Variants in SUCO observed in about 807,000 individuals in gnomAD.
SUCO encodes the protein SUN domain containing ossification factor, also known as SUN domain-containing ossification factor.
Under a neutral mutation model 148.1 loss-of-function variants are expected in SUCO, and 57 were observed. That is an observed-to-expected ratio of 0.38 (90% CI 0.31 to 0.48). The LOEUF (loss-of-function observed/expected upper bound fraction) is 0.48, where lower values mean the gene tolerates loss of function less well. Among genes scored for constraint, SUCO ranks in the 20% least tolerant of loss-of-function variants. The probability of loss-of-function intolerance (pLI) is 0.96; values close to 1 mark genes in which losing one functional copy is unlikely to be tolerated. For synonymous variants in SUCO, 470 were observed against 502.7 expected, an observed-to-expected ratio of 0.93 and a Z score of 0.87; for missense variants, 1,331 against 1,468.2, an observed-to-expected ratio of 0.91 and a Z score of 1.53.
At chr1:172,607,627 A>T (rs767478744) in intron 22 of SUCO, among the ~76,000 whole-genome samples, 1 of 151,672 alleles carries the variant, frequency 6.6e-6, no homozygotes, top group African/African-American at 2.4e-5. Context: ...TAGCCTAGGG[A>T]TTACTTTCTT....
At chr1:172,592,760 G>C (rs534710268) in intron 19 of SUCO, among the ~76,000 whole-genome samples, 14 of 152,268 alleles carry the variant, frequency 9.2e-5, no homozygotes, top group Non-Finnish European at 1.5e-4. Context: ...GGCAATGTGG[G>C]CTCTTTTTTG....
chr1:172,581,126 A>G (rs1360707805), intron 15 of SUCO, among the ~76,000 whole-genome samples: 1 of 152,116 alleles, frequency 6.6e-6, no homozygotes, highest in Non-Finnish European at 1.5e-5. Context: ...AAAACAAAAC[A>G]AAAACCTAAT....
intron 3 of SUCO, among the ~76,000 whole-genome samples, chr1:172,554,321 T>G (rs1006501986): frequency 2.0e-5 from 3 of 152,212 alleles, no homozygotes; most frequent in African/African-American, 4.8e-5. Context: ...TATGATGTAG[T>G]TGTGCTCAAA....
intron 2 of SUCO, chr1:172,551,855 A>T: frequency 2.6e-6 from 1 of 379,136 alleles, no homozygotes; most frequent in Non-Finnish European, 4.8e-6. Flanking sequence ...TTAGTCCTGT[A>T]GTATAGGGTA....
intron 1 of SUCO, 24 bp from the exon 2 acceptor site, chr1:172,551,488 T>TTGG (rs1653294152): frequency 6.5e-6 from 9 of 1,390,226 alleles, no homozygotes; most frequent in Non-Finnish European, 9.0e-6. Context: ...TTTCTGTTTG[T>TTGG]TGGTGGTGGT....
chr1:172,588,986 T>G lies in SUCO; in HGVS notation c.1885T>G (p.Phe629Val), dbSNP rs1208292210. 1 of 1,610,948 alleles carries G rather than the reference T, an allele frequency of 6.2e-7. No homozygotes were observed. Among genetic ancestry groups the G allele is most frequent in the Non-Finnish European group, 8.5e-7 (1 of 1,178,420 alleles). The change falls in exon 18 of 24, where the codon TTT (phenylalanine) becomes GTT (valine). Residue 629 changes from phenylalanine (F) to valine (V), a missense_variant. Coordinates refer to ENST00000263688, the MANE Select transcript of SUCO (RefSeq NM_014283.5). ...ELTTICCISS[F>V]SEYIYKWCSV... ...GACCACAATTTGTTGTATTTCTAGT[T>G]TTTCAGAATACATATATAAATGGTG...
chr1:172,553,210 G>GT, intron 2 of SUCO, 50 bp from the exon 3 acceptor site: 2 of 1,476,350 alleles, frequency 1.4e-6, no homozygotes, highest in Non-Finnish European at 1.8e-6. Flanking sequence ...CTTTATAACT[G>GT]TTTTGTAAAA....
chr1:172,548,577 G>T (rs544255188), intron 1 of SUCO, among the ~76,000 whole-genome samples: 50 of 152,082 alleles, frequency 3.3e-4, no homozygotes, highest in African/African-American at 1.1e-3. Context: ...ATTGTGATTG[G>T]TAGTCTTCTG....
intron 1 of SUCO, chr1:172,542,889 A>C: frequency 1.0e-6 from 1 of 985,446 alleles, no homozygotes; most frequent in Non-Finnish European, 1.2e-6. Flanking sequence ...GTCTTAGATA[A>C]GTTTGGAGAG....
intron 20 of SUCO, among the ~76,000 whole-genome samples, chr1:172,601,021 G>A (rs1044078634): frequency 2.0e-5 from 3 of 152,136 alleles, no homozygotes; most frequent in East Asian, 1.9e-4. Flanking sequence ...GTAGGACTTC[G>A]TAGACAATTT....
chr1:172,596,163 C>T (rs998928158), intron 19 of SUCO, among the ~76,000 whole-genome samples: 3 of 152,206 alleles, frequency 2.0e-5, no homozygotes, highest in South Asian at 4.1e-4. Context: ...GCTGTTTATT[C>T]TAGTTAGCCA....
chr1:172,609,726 G>A (rs1307415194), intron 23 of SUCO, 90 bp from the exon 24 acceptor site: 1 of 1,509,504 alleles, frequency 6.6e-7, no homozygotes, highest in East Asian at 2.3e-5. Context: ...ACCAGGAGGT[G>A]GCACTTCTCT....
intron 1 of SUCO, 47 bp from the exon 2 acceptor site, chr1:172,551,465 T>G (rs1653290709): frequency 1.6e-6 from 2 of 1,257,858 alleles, no homozygotes; most frequent in Non-Finnish European, 2.2e-6. Context: ...TCTTCTTTCT[T>G]TCTCTTTCTC....
At chr1:172,588,491 G>A in intron 17 of SUCO, 1 of 985,194 alleles carries the variant, frequency 1.0e-6, no homozygotes, top group African/African-American at 1.7e-5. Flanking sequence ...TTCTTAAACA[G>A]ATTAAAAGAA....
At chr1:172,590,324 G>C (rs1263796941) in intron 18 of SUCO, 4 of 984,370 alleles carry the variant, frequency 4.1e-6, no homozygotes, top group Non-Finnish European at 4.8e-6. Context: ...TAAGAGTTTA[G>C]ATAAGTGAAG....
chr1:172,588,119 G>T, intron 17 of SUCO: 1 of 985,236 alleles, frequency 1.0e-6, no homozygotes, highest in African/African-American at 1.7e-5. Context: ...ATTATTTTAG[G>T]AAGGGAGATA....
chr1:172,570,591 CTTTAAAG>C, intron 8 of SUCO, 65 bp from the exon 9 acceptor site: 1 of 1,060,724 alleles, frequency 9.4e-7, no homozygotes, highest in South Asian at 1.4e-5. Context: ...TCCCAGAAAA[CTTTAAAG>C]TTAAAATAAA....
At chr1:172,538,261 T>C (rs1652173902) in intron 1 of SUCO, among the ~76,000 whole-genome samples, 1 of 152,138 alleles carries the variant, frequency 6.6e-6, no homozygotes, top group African/African-American at 2.4e-5. Flanking sequence ...AATCAAGATG[T>C]TGGCCTTTTT....
intron 19 of SUCO, among the ~76,000 whole-genome samples, chr1:172,599,753 A>G (rs531097101): frequency 2.6e-5 from 4 of 152,236 alleles, no homozygotes; most frequent in South Asian, 4.1e-4. Flanking sequence ...GCTAGTTTAT[A>G]TATATGGAAC....
Sources: gnomAD v4.1 joint callset for allele counts (sites outside exome capture counted in the v4.1 genomes callset) on GRCh38, gnomAD v4.1.1 for gene constraint, MANE v1.5 for transcripts, NCBI Gene and HGNC (gene_info 2026-07-23, HGNC 2026-07-21) for gene names.